The following SIL1 variants were observed in gnomAD, a reference collection of about 807,000 sequenced individuals.
The protein encoded by SIL1 is SIL1 nucleotide exchange factor.
In SIL1, 40 loss-of-function variants were observed where a neutral mutation model predicts 49.1. That is an observed-to-expected ratio of 0.81 (90% CI 0.63 to 1.06). The LOEUF (loss-of-function observed/expected upper bound fraction) is 1.06, where lower values mean the gene tolerates loss of function less well. SIL1 is among the 50% of genes least tolerant of loss of function. SIL1 has a pLI of 0.00. For missense variants in SIL1, 500 were observed against 572.6 expected, an observed-to-expected ratio of 0.87 and a Z score of 1.29; for synonymous variants, 253 against 250.8, an observed-to-expected ratio of 1.01 and a Z score of -0.08.
intron 2 of SIL1, 58 bp downstream of exon 2, chr5:139,127,681 G>T: frequency 7.3e-7 from 1 of 1,372,696 alleles, no homozygotes; most frequent in East Asian, 2.5e-5. Context: ...CCTGGTGACA[G>T]GGAGGCCTTC....
chr5:139,111,611 C>A (rs973992897), intron 3 of SIL1, among the ~76,000 whole-genome samples: 1 of 152,190 alleles, frequency 6.6e-6, no homozygotes, highest in African/African-American at 2.4e-5. Context: ...TGGCATCAAG[C>A]ACTATACTTC....
chr5:138,980,375 A>G (rs1409346901), intron 7 of SIL1, among the ~76,000 whole-genome samples: 1 of 152,162 alleles, frequency 6.6e-6, no homozygotes, highest in African/African-American at 2.4e-5. Context: ...ATGGGTGCTT[A>G]AAGTTGGCTA....
chr5:139,059,765 T>A (rs1338186427), intron 3 of SIL1, among the ~76,000 whole-genome samples: 1 of 152,220 alleles, frequency 6.6e-6, no homozygotes, highest in Non-Finnish European at 1.5e-5. Flanking sequence ...TCTGTATATA[T>A]TTTTAAAACT....
At chr5:139,042,469 T>A in intron 5 of SIL1, 151 bp downstream of exon 5, 1 of 753,678 alleles carries the variant, frequency 1.3e-6, no homozygotes, top group Non-Finnish European at 2.3e-6. Context: ...TCTAAAAGGG[T>A]TTCTTATTTG....
At chr5:139,143,248 TAC>T (rs1406086059) in intron 1 of SIL1, among the ~76,000 whole-genome samples, 3 of 128,946 alleles carry the variant, frequency 2.3e-5, no homozygotes, top group Non-Finnish European at 4.6e-5. Context: ...TATGTATATA[TAC>T]ATATATAAAC....
At chr5:139,193,455 T>C (rs1194195852) in intron 1 of SIL1, among the ~76,000 whole-genome samples, 3 of 151,034 alleles carry the variant, frequency 2.0e-5, no homozygotes, top group African/African-American at 7.3e-5. Context: ...ATAATCCCAG[T>C]TACTCAGGAG....
chr5:139,073,429 C>T (rs1333228544), intron 3 of SIL1, among the ~76,000 whole-genome samples: 1 of 152,020 alleles, frequency 6.6e-6, no homozygotes, highest in Non-Finnish European at 1.5e-5. Flanking sequence ...TGAAATAAGC[C>T]AGGCACAGAA....
At chr5:139,025,526 A>G (rs1395349648) in intron 6 of SIL1, among the ~76,000 whole-genome samples, 1 of 152,236 alleles carries the variant, frequency 6.6e-6, no homozygotes, top group Admixed American at 6.5e-5. Flanking sequence ...ATTAGTTATT[A>G]TAAGTCTGAT....
At chr5:139,076,535 C>G (rs1048119886) in intron 3 of SIL1, among the ~76,000 whole-genome samples, 4 of 152,202 alleles carry the variant, frequency 2.6e-5, no homozygotes, top group African/African-American at 9.6e-5. Flanking sequence ...GATACTGATA[C>G]AGTCATTTGC....
At position 139,050,825 on chromosome 5, in the gene SIL1, C is replaced by T. The variant is rs1224774781; in HGVS notation, c.353+113G>A. ...TGACAGATTTATCACAAATTCTATG[C>T]TATTAAATTTCAAATTAAAAAAAGC... On this transcript the variant is annotated intron_variant, in intron 4 of 9. Coordinates refer to ENST00000394817, the MANE Select transcript of SIL1 (RefSeq NM_022464.5). The T allele has an allele frequency of 8.2e-6, 7 of 856,298 alleles. No homozygotes were observed. In the African/African-American group the frequency reaches 1.0e-4, roughly 12 times the overall value. 53.0% of individuals were successfully genotyped at this position (856,298 alleles called of 1,614,324 possible).
chr5:138,960,759 AT>A (rs1339667303), intron 7 of SIL1, among the ~76,000 whole-genome samples: 1 of 152,152 alleles, frequency 6.6e-6, no homozygotes, highest in Non-Finnish European at 1.5e-5. Context: ...TCGGCCTCAA[AT>A]CTACGTCTTT....
intron 1 of SIL1, chr5:139,187,834 G>C (rs1752102406): frequency 6.6e-6 from 1 of 152,210 alleles, no homozygotes. Flanking sequence ...TAATATTGGA[G>C]GAGGGGCCTA....
At chr5:139,056,674 G>A (rs1581065252) in intron 3 of SIL1, among the ~76,000 whole-genome samples, 2 of 146,016 alleles carry the variant, frequency 1.4e-5, no homozygotes. Context: ...CTGGCCAGCC[G>A]CCCCGTCCGG....
At chr5:139,054,932 C>T (rs1011770754) in intron 3 of SIL1, among the ~76,000 whole-genome samples, 33 of 152,122 alleles carry the variant, frequency 2.2e-4, no homozygotes, top group African/African-American at 7.2e-4. Flanking sequence ...GGGGAAATGT[C>T]CAAGTTAGAA....
chr5:139,171,426 T>G (rs1345427888), intron 1 of SIL1, among the ~76,000 whole-genome samples: 1 of 152,200 alleles, frequency 6.6e-6, no homozygotes, highest in African/African-American at 2.4e-5. Context: ...CTCTGAAACA[T>G]GTGCTGTGTC....
chr5:139,171,873 T>C (rs1451794055), intron 1 of SIL1, among the ~76,000 whole-genome samples: 1 of 151,910 alleles, frequency 6.6e-6, no homozygotes, highest in Non-Finnish European at 1.5e-5. Context: ...AAGAAAACAA[T>C]GTTTGGAAAA....
intron 7 of SIL1, among the ~76,000 whole-genome samples, chr5:138,970,127 A>G (rs1022089586): frequency 6.6e-6 from 1 of 152,246 alleles, no homozygotes; most frequent in South Asian, 2.1e-4. Context: ...GGCAGATTGT[A>G]TTTATCTTTG....
intron 7 of SIL1, among the ~76,000 whole-genome samples, chr5:138,972,662 A>AG (rs1293798949): frequency 3.9e-5 from 6 of 152,220 alleles, no homozygotes; most frequent in Non-Finnish European, 5.9e-5. Flanking sequence ...CCACAAACTG[A>AG]GCTCACACAA....
intron 3 of SIL1, among the ~76,000 whole-genome samples, chr5:139,082,488 C>G (rs1203947570): frequency 6.6e-6 from 1 of 152,192 alleles, no homozygotes. Context: ...TCATTTGATA[C>G]AAAGACCAGA....
Sources: allele counts gnomAD v4.1 joint callset (sites outside exome capture counted in the v4.1 genomes callset), GRCh38; gene constraint gnomAD v4.1.1; transcripts MANE v1.5; gene names NCBI Gene and HGNC (gene_info 2026-07-23, HGNC 2026-07-21).